Variants in SULF2 observed in about 807,000 individuals in gnomAD.
SULF2 encodes the protein sulfatase 2, also known as extracellular sulfatase Sulf-2.
Under a neutral mutation model 107.7 loss-of-function variants are expected in SULF2, and 52 were observed. The observed-to-expected ratio is 0.48, with a 90% CI of 0.39 to 0.61. SULF2 has a LOEUF of 0.61. Among genes scored for constraint, SULF2 ranks in the 20% least tolerant of loss-of-function variants. SULF2 has a pLI of 0.00. For missense variants in SULF2, 993 were observed against 1,177.3 expected (o/e 0.84, Z 2.29); for synonymous variants, 460 against 464.3 (o/e 0.99, Z 0.12).
chr20:47,701,962 CTG>C, intron 4 of SULF2, among the ~76,000 whole-genome samples: 1 of 152,324 alleles, frequency 6.6e-6, no homozygotes, highest in African/African-American at 2.4e-5. Context: ...ATGGTACACT[CTG>C]TGTATGTACT....
At chr20:47,758,825 G>A (rs531893797) in intron 1 of SULF2, among the ~76,000 whole-genome samples, 2 of 152,326 alleles carry the variant, frequency 1.3e-5, no homozygotes, top group African/African-American at 2.4e-5. Flanking sequence ...CAAGTGCTGT[G>A]GGGGTGGCTG....
intron 3 of SULF2, among the ~76,000 whole-genome samples, chr20:47,733,525 C>A (rs1568874867): frequency 6.6e-6 from 1 of 152,236 alleles, no homozygotes; most frequent in Non-Finnish European, 1.5e-5. Context: ...GTAATCCCAG[C>A]ACTTTGGAAG....
intron 5 of SULF2, among the ~76,000 whole-genome samples, chr20:47,686,798 G>C (rs1027533532): frequency 6.6e-6 from 1 of 152,180 alleles, no homozygotes; most frequent in Non-Finnish European, 1.5e-5. Context: ...CCCTGGACTC[G>C]GCTTTCTCAG....
chr20:47,658,855 G>C (rs2086977150), intron 20 of SULF2, among the ~76,000 whole-genome samples: 1 of 152,202 alleles, frequency 6.6e-6, no homozygotes, highest in Admixed American at 6.5e-5. Context: ...ACACATACTT[G>C]CATTTTTGGA....
intron 18 of SULF2, 41 bp from the exon 19 acceptor site, chr20:47,659,771 G>A: frequency 6.3e-7 from 1 of 1,576,816 alleles, no homozygotes; most frequent in African/African-American, 1.4e-5. Context: ...GGAGCAGATA[G>A]TTTAGGCAAA....
rs1027462708 is a variant in SULF2 at position 47,658,486 on chromosome 20, A to G, written c.2583-94T>C. 3.1e-6 allele frequency: 4 copies of G among 1,304,482 alleles called. No individual in the cohort carries two copies. In the African/African-American group the frequency reaches 5.8e-5, roughly 19 times the overall value. 80.8% of individuals were successfully genotyped at this position (1,304,482 alleles called of 1,614,324 possible). On this transcript the variant is annotated intron_variant, in intron 20 of 20. Coordinates refer to ENST00000688720, the MANE Select transcript of SULF2 (RefSeq NM_001387048.1). ...CCTATAGCTGAGGAAGCTTTGCTTC[A>G]AGGCTGCTGAGAATGAATATTTCTA...
rs772535355 is a variant in SULF2 at position 47,663,524 on chromosome 20, G to A, written c.2156C>T (p.Thr719Met). 18 of 1,612,736 alleles carry A rather than the reference G, an allele frequency of 1.1e-5. No homozygotes were observed. Among genetic ancestry groups the A allele is most frequent in the Middle Eastern group, 1.6e-4 (1 of 6,084 alleles). Residue 719 changes from threonine to methionine, a missense_variant, in exon 16 of 21, where the codon ACG (threonine) becomes ATG (methionine). By Grantham distance (81) the Thr-to-Met change is moderately conservative. Transcript: ENST00000688720. The part of the protein sequence containing the change: ...KLLKRLQNND[T>M]CSMPGLTCFT... ...GCACGTGAGGCCTGGCATGCTGCAC[G>A]TGTCGTTGTTCTGCAGGCGCTTGAG...
At chr20:47,690,464 G>C (rs1313042684) in intron 4 of SULF2, among the ~76,000 whole-genome samples, 169 bp from the exon 5 acceptor site, 1 of 152,184 alleles carries the variant, frequency 6.6e-6, no homozygotes, top group Non-Finnish European at 1.5e-5. Flanking sequence ...AAATAAGCAA[G>C]TAAAATAAAT....
At chr20:47,732,350 G>T (rs535387729) in intron 3 of SULF2, among the ~76,000 whole-genome samples, 1 of 152,232 alleles carries the variant, frequency 6.6e-6, no homozygotes, top group African/African-American at 2.4e-5. Flanking sequence ...CCAAGTTCAT[G>T]CAGGCAGAAA....
At position 47,677,125 on chromosome 20, in the gene SULF2, C is replaced by T; in HGVS notation, c.1203G>A (p.Leu401=). ...DTERPVNRFH[L]KKKMRVWRDS... ...CCCGCCAGACCCTCATCTTCTTTTTCAAGTGAAACCTGGAAAAAAGCACGG... is the reference window on the plus strand; with the variant it reads ...CCCGCCAGACCCTCATCTTCTTTTTTAAGTGAAACCTGGAAAAAAGCACGG... Residue 401 remains leucine, a synonymous_variant, in exon 9 of 21, where the codon TTG becomes TTA. Transcript: ENST00000688720. The T allele has an allele frequency of 6.2e-7, 1 of 1,613,524 alleles. No individual in the cohort carries two copies. Among genetic ancestry groups the T allele is most frequent in the Non-Finnish European group, 8.5e-7 (1 of 1,179,886 alleles).
At chr20:47,662,011 TG>T in intron 17 of SULF2, 115 bp from the exon 18 acceptor site, 1 of 1,147,252 alleles carries the variant, frequency 8.7e-7, no homozygotes, top group Non-Finnish European at 1.1e-6. Context: ...TGCTAGGGGC[TG>T]GTGACCTGTT....
chr20:47,727,707 C>T lies in SULF2; in HGVS notation c.415+8996G>A, dbSNP rs369996037. Among the ~76,000 whole-genome samples, 217 of 152,258 alleles carry T rather than the reference C, an allele frequency of 1.4e-3. 2 individuals carry two copies. The highest frequency in any genetic ancestry group is 4.7e-3 in the African/African-American group (194 of 41,554). On this transcript the variant is annotated intron_variant, in intron 3 of 20. Transcript: ENST00000688720. ...ACAGGTCACGTATCACTCAGGGTGG[C>T]GTCTTATCACAGGCACTGGGTGACT...
chr20:47,711,183 A>G (rs2088916542), intron 3 of SULF2, among the ~76,000 whole-genome samples: 2 of 152,336 alleles, frequency 1.3e-5, no homozygotes, highest in African/African-American at 4.8e-5. Context: ...GGGCCGGCGT[A>G]GGAACACGCT....
intron 17 of SULF2, among the ~76,000 whole-genome samples, 176 bp downstream of exon 17, chr20:47,662,894 A>AGCAGGGTGATGGAGGCAAAAAGCAGGGTG (rs71183271): frequency 6.6e-6 from 1 of 152,032 alleles, no homozygotes; most frequent in Non-Finnish European, 1.5e-5. Context: ...GGAGGCAAAA[A>AGCAGGGTGATGGAGGCAAAAAGCAGGGTG]AGGCTGATTG....
intron 1 of SULF2, among the ~76,000 whole-genome samples, chr20:47,772,662 C>T (rs2090653556): frequency 6.6e-6 from 1 of 151,978 alleles, no homozygotes. Context: ...AGGCCCTACC[C>T]CGTCTCTTAT....
intron 1 of SULF2, among the ~76,000 whole-genome samples, chr20:47,759,669 G>A (rs2090374501): frequency 6.6e-6 from 1 of 152,182 alleles, no homozygotes. Context: ...TCCAGCCTGG[G>A]TGACAGAGTG....
chr20:47,727,255 T>C (rs928127810), intron 3 of SULF2, among the ~76,000 whole-genome samples: 1 of 151,924 alleles, frequency 6.6e-6, no homozygotes, highest in Admixed American at 6.6e-5. Flanking sequence ...AGAGGGAAAT[T>C]TGGACACTGA....
chr20:47,705,804 CTTT>C (rs34029135), intron 3 of SULF2, among the ~76,000 whole-genome samples: 2 of 137,530 alleles, frequency 1.5e-5, no homozygotes, highest in Non-Finnish European at 3.1e-5. Flanking sequence ...CTTTTCTTTT[CTTT>C]TTTTTTTTTT....
intron 1 of SULF2, among the ~76,000 whole-genome samples, chr20:47,767,666 T>C (rs1426905932): frequency 6.6e-6 from 1 of 152,152 alleles, no homozygotes; most frequent in African/African-American, 2.4e-5. Context: ...TCCTAGCTAC[T>C]TGGAAGGCTG....
Sources: gnomAD v4.1 joint callset for allele counts (sites outside exome capture counted in the v4.1 genomes callset) on GRCh38, gnomAD v4.1.1 for gene constraint, MANE v1.5 for transcripts, NCBI Gene and HGNC (gene_info 2026-07-23, HGNC 2026-07-21) for gene names.